ADCY2: variants seen among roughly 807,000 people sequenced by gnomAD.
The protein encoded by ADCY2 is adenylate cyclase 2, also known as adenylate cyclase type 2.
A neutral mutation model predicts 125.2 loss-of-function variants in ADCY2; 31 were observed. The observed-to-expected ratio is 0.25, with a 90% CI of 0.19 to 0.33. The LOEUF (loss-of-function observed/expected upper bound fraction) is 0.33. Among genes scored for constraint, ADCY2 ranks in the 10% least tolerant of loss-of-function variants. The pLI, the probability that ADCY2 is intolerant of heterozygous loss-of-function variation, is 1.00. For missense variants in ADCY2, 904 were observed against 1,418.2 expected (o/e 0.64, Z 5.82); for synonymous variants, 512 against 548.4 (o/e 0.93, Z 0.93).
At chr5:7,501,585 G>A (rs1253332776) in intron 2 of ADCY2, among the ~76,000 whole-genome samples, 1 of 132,664 alleles carries the variant, frequency 7.5e-6, no homozygotes. Flanking sequence ...CATGAGGAAT[G>A]ATAATGACAT....
chr5:7,810,944 A>G (rs1744922469), intron 22 of ADCY2, among the ~76,000 whole-genome samples: 1 of 152,192 alleles, frequency 6.6e-6, no homozygotes, highest in Non-Finnish European at 1.5e-5. Context: ...TTTTCAAACA[A>G]ATTTTTCTAG....
In ADCY2 at chr5:7,458,183, G is replaced by A. The variant is rs534332231; in HGVS notation, c.408+43413G>A. ...CTGCTGCTTACATTATGACAGCATG[G>A]TAAGTAAAAGAACAGAAAAAGAGTG... On this transcript the variant is annotated intron_variant, in intron 2 of 24. Coordinates refer to ENST00000338316, the MANE Select transcript of ADCY2 (RefSeq NM_020546.3). 2.2e-4 allele frequency among the ~76,000 whole-genome samples: 33 copies of A among 152,220 alleles called. No homozygotes were observed. The South Asian group carries it at 6.6e-3, about 31-fold the overall frequency.
At chr5:7,411,495 C>T (rs921761973) in intron 1 of ADCY2, among the ~76,000 whole-genome samples, 2 of 151,996 alleles carry the variant, frequency 1.3e-5, no homozygotes, top group South Asian at 2.1e-4. Context: ...AATCTTTGAC[C>T]CTAAGAGTTT....
In ADCY2 at chr5:7,731,069, GC is replaced by G. The variant is rs149471239; in HGVS notation, c.1871+3810del. ...GGCTCCAGGTGTTTTCATGTTTCCTGCCAGTTTCCACTTTTTATTTCTTTGG... is the reference window on the plus strand; with the variant it reads ...GGCTCCAGGTGTTTTCATGTTTCCTGCAGTTTCCACTTTTTATTTCTTTGG... On this transcript the variant is annotated intron_variant, in intron 14 of 24. Coordinates refer to ENST00000338316, the MANE Select transcript of ADCY2 (RefSeq NM_020546.3). Among the ~76,000 whole-genome samples the G allele has an allele frequency of 0.011, 1,654 of 151,922 alleles. 150 individuals carry two copies. In the East Asian group the frequency reaches 0.23, roughly 21 times the overall value.
chr5:7,656,997 C>T (rs546842263), intron 4 of ADCY2, among the ~76,000 whole-genome samples: 24 of 152,252 alleles, frequency 1.6e-4, no homozygotes, highest in East Asian at 3.9e-4. Context: ...AATTTCATCA[C>T]GTGCAATTAT....
At chr5:7,562,469 T>C (rs1352308306) in intron 3 of ADCY2, among the ~76,000 whole-genome samples, 1 of 152,156 alleles carries the variant, frequency 6.6e-6, no homozygotes, top group Non-Finnish European at 1.5e-5. Context: ...CCATGACAAC[T>C]CATTGTTTAG....
intron 2 of ADCY2, among the ~76,000 whole-genome samples, chr5:7,455,153 T>C (rs1197674167): frequency 6.6e-6 from 1 of 152,182 alleles, no homozygotes. Context: ...AGGTTCTCTT[T>C]GTGTGTTGTA....
At chr5:7,541,827 T>G (rs1735004582) in intron 3 of ADCY2, among the ~76,000 whole-genome samples, 1 of 152,140 alleles carries the variant, frequency 6.6e-6, no homozygotes, top group South Asian at 2.1e-4. Flanking sequence ...TGTTGAAGAT[T>G]AGAACAAAAA....
chr5:7,456,194 TAAAAAC>T lies in ADCY2; in HGVS notation c.408+41426_408+41431del, dbSNP rs1741661293. On this transcript the variant is annotated intron_variant, in intron 2 of 24. Transcript: ENST00000338316. ...TGGACTAATAATCATGAGTTTGAAA[TAAAAAC>T]AGAATAAATAATGTTCATTTTAAAA... 9.9e-5 allele frequency among the ~76,000 whole-genome samples: 15 copies of T among 152,244 alleles called. No individual in the cohort carries two copies. In the South Asian group the frequency reaches 3.1e-3, roughly 32 times the overall value.
At chr5:7,541,988 T>C (rs895698942) in intron 3 of ADCY2, among the ~76,000 whole-genome samples, 8 of 152,322 alleles carry the variant, frequency 5.3e-5, no homozygotes, top group African/African-American at 1.9e-4. Context: ...TGACTTATGT[T>C]AACTAGCATT....
chr5:7,598,977 C>T (rs1391562241), intron 3 of ADCY2, among the ~76,000 whole-genome samples: 1 of 152,230 alleles, frequency 6.6e-6, no homozygotes, highest in Non-Finnish European at 1.5e-5. Context: ...CTGCTCATTG[C>T]CACAGCATTG....
rs1347023921 is a variant in ADCY2 at position 7,460,160 on chromosome 5, C to T, written c.408+45390C>T. ...CCTATTATATCTGCTGGACTGTGTG[C>T]CTTCTAAAATTCTACTTAGTAGAAT... On this transcript the variant is annotated intron_variant, in intron 2 of 24. Coordinates refer to ENST00000338316, the MANE Select transcript of ADCY2 (RefSeq NM_020546.3). Among the ~76,000 whole-genome samples the T allele has an allele frequency of 3.3e-5, 5 of 151,942 alleles. No individual in the cohort carries two copies. In the East Asian group the frequency reaches 9.7e-4, roughly 29 times the overall value.
intron 3 of ADCY2, among the ~76,000 whole-genome samples, chr5:7,540,517 C>A (rs145837917): frequency 6.6e-6 from 1 of 152,168 alleles, no homozygotes; most frequent in Non-Finnish European, 1.5e-5. Flanking sequence ...TAAGCAGATG[C>A]TTCGGATTTC....
intron 2 of ADCY2, among the ~76,000 whole-genome samples, chr5:7,419,861 CCT>C (rs1740124316): frequency 6.6e-6 from 1 of 152,132 alleles, no homozygotes; most frequent in East Asian, 1.9e-4. Context: ...AGTGCCAGAC[CCT>C]GTTCTGAGTG....
chr5:7,575,452 G>A (rs1022332972), intron 3 of ADCY2, among the ~76,000 whole-genome samples: 3 of 152,070 alleles, frequency 2.0e-5, no homozygotes, highest in Non-Finnish European at 2.9e-5. Flanking sequence ...TAGAATTTTG[G>A]AAGTGCAGTG....
chr5:7,718,988 AAAT>A (rs141855782), intron 12 of ADCY2, among the ~76,000 whole-genome samples: 2 of 152,072 alleles, frequency 1.3e-5, no homozygotes, highest in South Asian at 2.1e-4. Flanking sequence ...AAAAGTTAGC[AAAT>A]AATAATAATA....
At chr5:7,617,067 T>G (rs1737789285) in intron 3 of ADCY2, among the ~76,000 whole-genome samples, 1 of 152,206 alleles carries the variant, frequency 6.6e-6, no homozygotes, top group Non-Finnish European at 1.5e-5. Flanking sequence ...GGCTGTGACC[T>G]CATGGGTGTG....
intron 4 of ADCY2, among the ~76,000 whole-genome samples, chr5:7,648,051 G>A (rs1738962644): frequency 6.6e-6 from 1 of 152,052 alleles, no homozygotes; most frequent in Admixed American, 6.5e-5. Flanking sequence ...ATCATAATAG[G>A]TTTTCTTCCA....
chr5:7,480,204 G>C (rs1742677750), intron 2 of ADCY2, among the ~76,000 whole-genome samples: 1 of 152,118 alleles, frequency 6.6e-6, no homozygotes, highest in Non-Finnish European at 1.5e-5. Flanking sequence ...AGACAGTGTG[G>C]TGATTCCTCA....
Sources: gnomAD v4.1 joint callset for allele counts (sites outside exome capture counted in the v4.1 genomes callset) on GRCh38, gnomAD v4.1.1 for gene constraint, MANE v1.5 for transcripts, NCBI Gene and HGNC (gene_info 2026-07-23, HGNC 2026-07-21) for gene names.